ADGRB3: variants seen among roughly 807,000 people sequenced by gnomAD.
ADGRB3 encodes the protein brain-specific angiogenesis inhibitor 3.
In ADGRB3, 37 loss-of-function variants were observed where a neutral mutation model predicts 193.4. The observed-to-expected ratio is 0.19, with a 90% CI of 0.15 to 0.25. ADGRB3 has a LOEUF of 0.25. Ranked by LOEUF, ADGRB3 falls within the 10% of genes least tolerant of loss-of-function variation. The pLI is 1.00. For missense variants in ADGRB3, 1,637 were observed against 1,852.9 expected (o/e 0.88, Z 2.14); for synonymous variants, 690 against 644.2 (o/e 1.07, Z -1.08).
At chr6:68,684,521 A>G (rs1284753441) in intron 3 of ADGRB3, among the ~76,000 whole-genome samples, 1 of 152,166 alleles carries the variant, frequency 6.6e-6, no homozygotes, top group Non-Finnish European at 1.5e-5. Flanking sequence ...CTTACATTTT[A>G]TAATGGGGTC....
At chr6:68,651,640 A>T (rs1325122384) in intron 3 of ADGRB3, among the ~76,000 whole-genome samples, 1 of 152,176 alleles carries the variant, frequency 6.6e-6, no homozygotes, top group African/African-American at 2.4e-5. Context: ...AGTAAATGGT[A>T]GGATGTGAAT....
chr6:68,756,107 T>C (rs1766294106), intron 3 of ADGRB3, among the ~76,000 whole-genome samples: 1 of 152,122 alleles, frequency 6.6e-6, no homozygotes, highest in Non-Finnish European at 1.5e-5. Flanking sequence ...TCTGCTTCCT[T>C]CACCTGCTAG....
In ADGRB3 at chr6:68,968,202, G is replaced by A. The variant is rs191331409; in HGVS notation, c.1526-6561G>A. Among the ~76,000 whole-genome samples, 402 of 152,002 alleles carry A rather than the reference G, an allele frequency of 2.6e-3. 2 individuals are homozygous for A. The highest frequency in any genetic ancestry group is 9.3e-3 in the African/African-American group (386 of 41,502). ...CTTGATTTTGAACCCATCAGATTCC[G>A]CAGCCGGCCCAGTAAACATTTCACC... is the stretch of plus-strand genomic sequence containing the variant. On this transcript the variant is annotated intron_variant, in intron 8 of 31. Transcript: ENST00000370598.
intron 17 of ADGRB3, among the ~76,000 whole-genome samples, chr6:69,080,465 A>G (rs1181055349): frequency 6.6e-6 from 1 of 151,988 alleles, no homozygotes; most frequent in African/African-American, 2.4e-5. Flanking sequence ...ATCTTCTTAT[A>G]AGTATGATAC....
chr6:68,731,445 G>A (rs993482530), intron 3 of ADGRB3, among the ~76,000 whole-genome samples: 1 of 151,384 alleles, frequency 6.6e-6, no homozygotes, highest in East Asian at 1.9e-4. Flanking sequence ...TTACAAAAAA[G>A]CCCGTAGTTT....
chr6:69,386,695 C>T (rs1046227966), intron 31 of ADGRB3, among the ~76,000 whole-genome samples: 3 of 152,054 alleles, frequency 2.0e-5, no homozygotes, highest in African/African-American at 7.2e-5. Flanking sequence ...TCTCCGTGTT[C>T]TTTGGATTTT....
At chr6:69,003,678 A>T (rs1376830027) in intron 11 of ADGRB3, among the ~76,000 whole-genome samples, 2 of 151,904 alleles carry the variant, frequency 1.3e-5, no homozygotes, top group Non-Finnish European at 2.9e-5. Context: ...TAATATTTAA[A>T]CCCCGCCCTT....
At chr6:69,084,802 A>G (rs1248683856) in intron 17 of ADGRB3, among the ~76,000 whole-genome samples, 1 of 152,168 alleles carries the variant, frequency 6.6e-6, no homozygotes, top group African/African-American at 2.4e-5. Context: ...AATATTGCCT[A>G]TGGCATGGAG....
At chr6:69,237,901 C>A (rs1028097920) in intron 19 of ADGRB3, among the ~76,000 whole-genome samples, 1 of 152,052 alleles carries the variant, frequency 6.6e-6, no homozygotes, top group Non-Finnish European at 1.5e-5. Context: ...CAAGGTTCAG[C>A]AACCCTGAGG....
At chr6:69,298,492 A>G (rs897166507) in intron 20 of ADGRB3, among the ~76,000 whole-genome samples, 7 of 151,862 alleles carry the variant, frequency 4.6e-5, no homozygotes, top group Admixed American at 1.3e-4. Flanking sequence ...TCTTCCTTCT[A>G]ACTATATTTT....
At chr6:68,747,300 C>T (rs2127345297) in intron 3 of ADGRB3, among the ~76,000 whole-genome samples, 1 of 152,226 alleles carries the variant, frequency 6.6e-6, no homozygotes, top group Admixed American at 6.5e-5. Context: ...CTATGTGTTG[C>T]TTCTCAGAGA....
At chr6:68,777,660 C>T (rs1038661869) in intron 3 of ADGRB3, among the ~76,000 whole-genome samples, 5 of 129,360 alleles carry the variant, frequency 3.9e-5, no homozygotes, top group African/African-American at 1.2e-4. Flanking sequence ...ATTGATCTCT[C>T]TGGGATCTAA....
intron 3 of ADGRB3, among the ~76,000 whole-genome samples, chr6:68,673,997 T>C (rs1561990465): frequency 6.6e-6 from 1 of 152,132 alleles, no homozygotes; most frequent in Non-Finnish European, 1.5e-5. Flanking sequence ...TTTCTTATAC[T>C]ATAAAATAAG....
At chr6:69,230,587 A>T (rs1386507680) in intron 17 of ADGRB3, among the ~76,000 whole-genome samples, 11 of 152,244 alleles carry the variant, frequency 7.2e-5, no homozygotes, top group African/African-American at 2.7e-4. Context: ...GTTTGTAATA[A>T]TAGTTATATG....
chr6:69,059,144 A>G (rs1206779172), intron 15 of ADGRB3, among the ~76,000 whole-genome samples: 1 of 152,100 alleles, frequency 6.6e-6, no homozygotes, highest in East Asian at 1.9e-4. Context: ...CTATGACATT[A>G]GGTGCACATA....
chr6:69,067,973 A>G (rs921651455), intron 16 of ADGRB3, among the ~76,000 whole-genome samples: 1 of 152,174 alleles, frequency 6.6e-6, no homozygotes, highest in Non-Finnish European at 1.5e-5. Flanking sequence ...ATCGTAAAGA[A>G]TTTCAGACAT....
At chr6:69,325,312 A>G (rs1367075141) in intron 21 of ADGRB3, among the ~76,000 whole-genome samples, 1 of 152,248 alleles carries the variant, frequency 6.6e-6, no homozygotes, top group East Asian at 1.9e-4. Context: ...CTCTGTTAAT[A>G]TTTTCTGAAA....
chr6:68,974,681 A>G, intron 8 of ADGRB3, 82 bp from the exon 9 acceptor site: 1 of 1,032,204 alleles, frequency 9.7e-7, no homozygotes, highest in Non-Finnish European at 1.5e-6. Context: ...CTCTGCAGTT[A>G]GAGAGGTGCC....
intron 12 of ADGRB3, 30 bp from the exon 13 acceptor site, chr6:69,018,360 TA>T (rs1770158697): frequency 7.1e-7 from 1 of 1,417,470 alleles, no homozygotes; most frequent in East Asian, 2.3e-5. Flanking sequence ...ATAGATTTTT[TA>T]TTCCTTCTAA....
Sources: allele counts gnomAD v4.1 joint callset (sites outside exome capture counted in the v4.1 genomes callset), GRCh38; gene constraint gnomAD v4.1.1; transcripts MANE v1.5; gene names NCBI Gene and HGNC (gene_info 2026-07-23, HGNC 2026-07-21).